Variants in AFG1L observed in about 807,000 individuals in gnomAD.
AFG1L encodes AFG1 like ATPase.
A neutral mutation model predicts 62.2 loss-of-function variants in AFG1L; 53 were observed. The ratio of observed to expected loss-of-function variants is 0.85; its 90% CI spans 0.68 to 1.07. The LOEUF (loss-of-function observed/expected upper bound fraction) is 1.07. Among genes scored for constraint, AFG1L ranks in the 50% least tolerant of loss-of-function variants. The pLI is 0.00. For missense variants in AFG1L, 555 were observed against 590.5 expected, an observed-to-expected ratio of 0.94 and a Z score of 0.62; for synonymous variants, 228 against 210.3, an observed-to-expected ratio of 1.08 and a Z score of -0.73.
intron 2 of AFG1L, among the ~76,000 whole-genome samples, chr6:108,327,353 C>T (rs1236240039): frequency 6.6e-6 from 1 of 152,194 alleles, no homozygotes; most frequent in African/African-American, 2.4e-5. Flanking sequence ...CATTCATTGT[C>T]TTCGTCCACT....
intron 1 of AFG1L, among the ~76,000 whole-genome samples, chr6:108,323,004 G>A (rs592615): frequency 1.3e-5 from 2 of 152,126 alleles, no homozygotes; most frequent in East Asian, 1.9e-4. Context: ...GTCCAACTCC[G>A]TAAAGGTTAT....
chr6:108,375,089 A>G (rs897327063), intron 6 of AFG1L, among the ~76,000 whole-genome samples: 1 of 152,092 alleles, frequency 6.6e-6, no homozygotes, highest in African/African-American at 2.4e-5. Flanking sequence ...GTGTATGGCT[A>G]TTACAAATGG....
At chr6:108,365,821 A>G (rs776144716) in intron 5 of AFG1L, among the ~76,000 whole-genome samples, 21 of 152,058 alleles carry the variant, frequency 1.4e-4, no homozygotes, top group Non-Finnish European at 2.9e-4. Flanking sequence ...AGAAATCTCA[A>G]ACAGCCTGTG....
At chr6:108,427,645 C>T (rs994869453) in intron 7 of AFG1L, among the ~76,000 whole-genome samples, 1 of 151,458 alleles carries the variant, frequency 6.6e-6, no homozygotes, top group Non-Finnish European at 1.5e-5. Flanking sequence ...CCTCAGCCTC[C>T]TGAGTAGCTG....
chr6:108,436,811 A>G (rs1399946357), intron 7 of AFG1L, among the ~76,000 whole-genome samples: 1 of 152,224 alleles, frequency 6.6e-6, no homozygotes, highest in Non-Finnish European at 1.5e-5. Context: ...TAGAATAATA[A>G]TAATTTCTAC....
chr6:108,301,962 T>C (rs1159656452), intron 1 of AFG1L, among the ~76,000 whole-genome samples: 1 of 152,058 alleles, frequency 6.6e-6, no homozygotes, highest in Non-Finnish European at 1.5e-5. Flanking sequence ...TTTTTTTTTT[T>C]TGAGACAGAA....
rs1395267386 is a variant in AFG1L, at chr6:108,523,199, G to C, written c.*774G>C. 2 of 152,138 alleles carry C rather than the reference G, an allele frequency of 1.3e-5. No individual in the cohort carries two copies. The highest frequency in any genetic ancestry group is 2.9e-5 in the Non-Finnish European group (2 of 68,082). The allele number at this position is 152,138 out of a possible 1,614,324, so 9.4% of individuals were successfully genotyped here. ...CGGGGGGGTGGGTGTCAGAGTCGTA[G>C]GCACTCCAACAGCAGAGGAGACTCC... On this transcript the variant is annotated 3_prime_UTR_variant, in exon 13 of 13. Transcript: ENST00000368977.
intron 1 of AFG1L, among the ~76,000 whole-genome samples, chr6:108,312,643 G>A (rs762409646): frequency 2.6e-5 from 4 of 152,128 alleles, no homozygotes; most frequent in African/African-American, 4.8e-5. Flanking sequence ...AGAACACATA[G>A]GCCCCATATT....
At chr6:108,372,391 G>A (rs1307956564) in intron 6 of AFG1L, among the ~76,000 whole-genome samples, 3 of 149,674 alleles carry the variant, frequency 2.0e-5, no homozygotes, top group African/African-American at 4.9e-5. Context: ...GTGCAGTGGT[G>A]TAGTCTTGGC....
At chr6:108,317,959 A>G (rs1169409952) in intron 1 of AFG1L, 1 of 152,832 alleles carries the variant, frequency 6.5e-6, no homozygotes, top group East Asian at 1.9e-4. Context: ...GCATATCAGC[A>G]TAAACTTGGG....
chr6:108,492,688 A>G (rs909668869), intron 10 of AFG1L, among the ~76,000 whole-genome samples: 1 of 152,154 alleles, frequency 6.6e-6, no homozygotes, highest in Admixed American at 6.5e-5. Context: ...GAGCTTGTGA[A>G]ATAATTCTAG....
intron 2 of AFG1L, among the ~76,000 whole-genome samples, chr6:108,335,725 A>ATG (rs1169196493): frequency 6.6e-6 from 1 of 152,216 alleles, no homozygotes. Flanking sequence ...AAGCTGGCCA[A>ATG]AAGCAGAGTA....
chr6:108,522,419 G>A lies in AFG1L; in HGVS notation c.1440G>A (p.Lys480=), dbSNP rs761355222. The A allele has an allele frequency of 5.0e-6, 8 of 1,606,788 alleles. No individual in the cohort carries two copies. Among genetic ancestry groups the A allele is most frequent in the Non-Finnish European group, 6.0e-6 (7 of 1,174,574 alleles). The change falls in exon 13 of 13, where the codon AAG becomes AAA. Residue 480 remains lysine (K), a synonymous_variant. Transcript: ENST00000368977. ...EQYWNEGDRT[K]K Reference sequence around the variant, plus strand: ...ACTGGAATGAAGGAGACAGAACCAAGAAGTAACTGCCACTTTTGCATAAAT... The same window carrying A: ...ACTGGAATGAAGGAGACAGAACCAAAAAGTAACTGCCACTTTTGCATAAAT...
rs1775286770 is a variant in AFG1L at position 108,525,391 on chromosome 6, T to C, written c.*2966T>C. On this transcript the variant is annotated 3_prime_UTR_variant, in exon 13 of 13. Transcript: ENST00000368977. ...CAAAAAGACTGTAGTATTATTTTAATCAAATTTATGCATTTTCAGTGGGAC... is the reference window on the plus strand; with the variant it reads ...CAAAAAGACTGTAGTATTATTTTAACCAAATTTATGCATTTTCAGTGGGAC... 1 of 152,234 alleles carries C rather than the reference T, an allele frequency of 6.6e-6. No individual in the cohort carries two copies. Among genetic ancestry groups the C allele is most frequent in the Non-Finnish European group, 1.5e-5 (1 of 68,038 alleles). 9.4% of individuals were successfully genotyped at this position (152,234 alleles called of 1,614,324 possible). A position where few individuals can be genotyped will look rare whatever the true frequency, so the allele number is the denominator to read the frequency against.
chr6:108,502,317 TGCCTCA>T (rs1404604178), intron 10 of AFG1L, among the ~76,000 whole-genome samples: 1 of 152,054 alleles, frequency 6.6e-6, no homozygotes, highest in Admixed American at 6.6e-5. Flanking sequence ...GTGATTCTGC[TGCCTCA>T]GCCTCCTGAG....
chr6:108,394,545 T>C (rs1045512146), intron 6 of AFG1L, among the ~76,000 whole-genome samples: 15 of 152,234 alleles, frequency 9.9e-5, no homozygotes, highest in African/African-American at 3.6e-4. Flanking sequence ...TTGCATTTTC[T>C]AGAGTTTTAT....
At chr6:108,454,834 G>A (rs1246935276) in intron 8 of AFG1L, among the ~76,000 whole-genome samples, 1 of 152,070 alleles carries the variant, frequency 6.6e-6, no homozygotes, top group Admixed American at 6.6e-5. Flanking sequence ...TGTATTTTTA[G>A]TAGAGCTGGG....
intron 5 of AFG1L, among the ~76,000 whole-genome samples, chr6:108,364,731 G>A (rs1335333363): frequency 1.3e-5 from 2 of 152,118 alleles, no homozygotes; most frequent in East Asian, 3.8e-4. Context: ...AGCCAAATTT[G>A]ACAGTGATCC....
At chr6:108,339,486 G>A (rs554173786) in intron 2 of AFG1L, among the ~76,000 whole-genome samples, 1 of 137,068 alleles carries the variant, frequency 7.3e-6, no homozygotes, top group Admixed American at 7.7e-5. Context: ...TTTTGAGACA[G>A]TCTTGCTCTG....
Sources: allele counts gnomAD v4.1 joint callset (sites outside exome capture counted in the v4.1 genomes callset), GRCh38; gene constraint gnomAD v4.1.1; transcripts MANE v1.5; gene names NCBI Gene and HGNC (gene_info 2026-07-23, HGNC 2026-07-21).